VPS72: variants seen among roughly 807,000 people sequenced by gnomAD.
VPS72 encodes the protein vacuolar protein sorting 72 homolog, also known as vacuolar protein sorting-associated protein 72 homolog.
A neutral mutation model predicts 38.9 loss-of-function variants in VPS72; 27 were observed. The ratio of observed to expected loss-of-function variants is 0.69; its 90% CI spans 0.51 to 0.96. VPS72 has a LOEUF of 0.96. VPS72 is among the 40% of genes least tolerant of loss of function. The probability of loss-of-function intolerance (pLI) is 0.00; values close to 1 mark genes in which losing one functional copy is unlikely to be tolerated. For synonymous variants in VPS72, 173 were observed against 186.3 expected, an observed-to-expected ratio of 0.93 and a Z score of 0.58; for missense variants, 360 against 479.5, an observed-to-expected ratio of 0.75 and a Z score of 2.33.
In VPS72 at chr1:151,176,525, A is replaced by G. The variant is rs934153416; in HGVS notation, c.*119T>C. The G allele has an allele frequency of 6.8e-6, 10 of 1,465,046 alleles. No individual in the cohort carries two copies. The African/African-American group carries it at 1.3e-4, about 19-fold the overall frequency. The allele number at this position is 1,465,046 out of a possible 1,614,324, so 90.8% of individuals were successfully genotyped here. A position where few individuals can be genotyped will look rare whatever the true frequency, so the allele number is the denominator to read the frequency against. On this transcript the variant is annotated 3_prime_UTR_variant, in exon 6 of 6. Transcript: ENST00000368892. Reference sequence around the variant, plus strand: ...AACCTGTAAGAACTAGGGGAAAAGGAAAAAGAAACAGATTAGGCAAAGATC... The same window carrying G: ...AACCTGTAAGAACTAGGGGAAAAGGGAAAAGAAACAGATTAGGCAAAGATC...
At chr1:151,182,317 C>T (rs1287707582) in intron 4 of VPS72, among the ~76,000 whole-genome samples, 5 of 152,262 alleles carry the variant, frequency 3.3e-5, no homozygotes, top group South Asian at 2.1e-4. Flanking sequence ...GTGTGAGCCA[C>T]GGCGCCCGGC....
chr1:151,176,924 G>A lies in VPS72; in HGVS notation c.815C>T (p.Ala272Val). 1 of 1,613,912 alleles carries A rather than the reference G, an allele frequency of 6.2e-7. No individual in the cohort carries two copies. The change falls in exon 6 of 6, where the codon GCA becomes GTA. Residue 272 changes from alanine to valine, a missense_variant. Physicochemically the swap from Ala to Val is moderately conservative, Grantham distance 64. Around this residue, in one of 2 missense-constraint regions of VPS72, gnomAD observed 294 missense variants for 356.3 expected, o/e 0.83. Coordinates refer to ENST00000368892, the MANE Select transcript of VPS72 (RefSeq NM_005997.3). ...SRTFITFSDD[A>V]TFEEWFPQGR... ...TTGGGGGAACCATTCCTCGAAAGTT[G>A]CATCATCACTAAAAGTGATGAAGGT...
At chr1:151,185,404 G>A (rs1684327334) in intron 3 of VPS72, 102 bp downstream of exon 3, 1 of 1,173,076 alleles carries the variant, frequency 8.5e-7, no homozygotes, top group South Asian at 1.3e-5. Flanking sequence ...GGGATTCTAG[G>A]AGTGAGCCAC....
intron 4 of VPS72, among the ~76,000 whole-genome samples, chr1:151,180,425 G>A (rs1159802206): frequency 2.0e-5 from 3 of 151,418 alleles, no homozygotes; most frequent in African/African-American, 7.3e-5. Context: ...GTCTTCCAAC[G>A]CCTCAACCCC....
Position 151,176,628 on chromosome 1 carries a change from A to G in VPS72, c.*16T>C. 1 of 1,609,644 alleles carries G rather than the reference A, an allele frequency of 6.2e-7. No homozygotes were observed. The highest frequency in any genetic ancestry group is 8.5e-7 in the Non-Finnish European group (1 of 1,177,742). On this transcript the variant is annotated 3_prime_UTR_variant, in exon 6 of 6. Transcript: ENST00000368892. ...AATCAGGGCAGGAAAGAAGTTTCTG[A>G]GGACTAGACATCTCTTCATTTAATG... is the stretch of plus-strand genomic sequence containing the variant.
Position 151,181,745 on chromosome 1 carries a change from A to G in VPS72, c.562+2572T>C, listed in dbSNP as rs587662626. Among the ~76,000 whole-genome samples, 6 of 152,222 alleles carry G rather than the reference A, an allele frequency of 3.9e-5. 1 individual carries two copies. The South Asian group carries it at 1.2e-3, about 32-fold the overall frequency. Reference sequence around the variant, plus strand: ...CAATACTGCTCAATATCCCACATCAATAACTATTTAAATGCTCCTCAGTCT... The same window carrying G: ...CAATACTGCTCAATATCCCACATCAGTAACTATTTAAATGCTCCTCAGTCT... On this transcript the variant is annotated intron_variant, in intron 4 of 5. Transcript: ENST00000368892.
chr1:151,189,972 C>G (rs1684430439), intron 1 of VPS72, 33 bp downstream of exon 1: 1 of 1,610,772 alleles, frequency 6.2e-7, no homozygotes, highest in Non-Finnish European at 8.5e-7. Flanking sequence ...CTCTTTGCCT[C>G]CTCCCCTCCC....
intron 1 of VPS72, among the ~76,000 whole-genome samples, chr1:151,187,819 G>A (rs967906324): frequency 2.0e-5 from 3 of 152,266 alleles, no homozygotes; most frequent in African/African-American, 7.2e-5. Flanking sequence ...TTTTAGCAGA[G>A]GTTCCTGGTA....
At chr1:151,185,205 A>G (rs1488507598) in intron 3 of VPS72, among the ~76,000 whole-genome samples, 1 of 151,924 alleles carries the variant, frequency 6.6e-6, no homozygotes, top group African/African-American at 2.4e-5. Context: ...GCAATGGTGT[A>G]ACCTCCACCT....
At chr1:151,189,563 A>C (rs1395710106) in intron 1 of VPS72, among the ~76,000 whole-genome samples, 1 of 152,184 alleles carries the variant, frequency 6.6e-6, no homozygotes, top group East Asian at 1.9e-4. Context: ...AAGCTGAAAA[A>C]GAAGTGGGCT....
intron 4 of VPS72, among the ~76,000 whole-genome samples, chr1:151,181,806 G>A (rs943192137): frequency 6.6e-5 from 10 of 152,198 alleles, no homozygotes; most frequent in Non-Finnish European, 7.3e-5. Context: ...ATGTTTGACA[G>A]ATGGTGCTGC....
chr1:151,182,446 C>A (rs1684261029), intron 4 of VPS72, among the ~76,000 whole-genome samples: 1 of 152,150 alleles, frequency 6.6e-6, no homozygotes, highest in Non-Finnish European at 1.5e-5. Flanking sequence ...GTTTTTTCTT[C>A]TCTTTCTTTA....
Position 151,189,912 on chromosome 1 carries a change from C to T in VPS72, c.117+93G>A, listed in dbSNP as rs921231633. 8.3e-6 allele frequency: 12 copies of T among 1,448,336 alleles called. No individual in the cohort carries two copies. In the East Asian group the frequency reaches 2.7e-4, roughly 33 times the overall value. The allele number at this position is 1,448,336 out of a possible 1,614,324, so 89.7% of individuals were successfully genotyped here. ...GAGTATCAGCTCCCAGAGCTCCTCT[C>T]TATTCCCCGCCCTCTTCTTCTTTGT... On this transcript the variant is annotated intron_variant, in intron 1 of 5. Coordinates refer to ENST00000368892, the MANE Select transcript of VPS72 (RefSeq NM_005997.3).
intron 4 of VPS72, among the ~76,000 whole-genome samples, chr1:151,180,597 C>A (rs1384599231): frequency 6.6e-6 from 1 of 151,978 alleles, no homozygotes; most frequent in Admixed American, 6.6e-5. Flanking sequence ...GCCACCATGC[C>A]CAGCTAATAT....
chr1:151,182,230 T>C (rs587646297), intron 4 of VPS72, among the ~76,000 whole-genome samples: 1 of 152,254 alleles, frequency 6.6e-6, no homozygotes, highest in Non-Finnish European at 1.5e-5. Context: ...GGTTTCTCCA[T>C]GTTGGTCAGG....
chr1:151,185,496 C>T lies in VPS72; in HGVS notation c.385+10G>A. 1 of 1,613,372 alleles carries T rather than the reference C, an allele frequency of 6.2e-7. No individual in the cohort carries two copies. The highest frequency in any genetic ancestry group is 8.5e-7 in the Non-Finnish European group (1 of 1,179,354). ...CAATTTTGCCAATTGACCCTAACAT[C>T]CCTACTCACTGTCAGAGCCGTCATC... On this transcript the variant is annotated intron_variant, in intron 3 of 5. Transcript: ENST00000368892.
intron 4 of VPS72, 38 bp from the exon 5 acceptor site, chr1:151,178,183 A>C: frequency 6.2e-7 from 1 of 1,606,346 alleles, no homozygotes; most frequent in South Asian, 1.1e-5. Flanking sequence ...GATGATCAGA[A>C]TGTCCCTTTT....
At chr1:151,180,808 A>G (rs1684223170) in intron 4 of VPS72, among the ~76,000 whole-genome samples, 1 of 152,118 alleles carries the variant, frequency 6.6e-6, no homozygotes, top group Non-Finnish European at 1.5e-5. Flanking sequence ...ACTCATCTAT[A>G]TCCTCAAGCT....
At chr1:151,189,035 T>A (rs1684407004) in intron 1 of VPS72, among the ~76,000 whole-genome samples, 2 of 152,292 alleles carry the variant, frequency 1.3e-5, no homozygotes, top group African/African-American at 4.8e-5. Context: ...TTTACCATGT[T>A]GGCCAGGATG....
Sources: allele counts gnomAD v4.1 joint callset (sites outside exome capture counted in the v4.1 genomes callset), GRCh38; gene constraint gnomAD v4.1.1; regional missense constraint gnomAD v4.1.1; transcripts MANE v1.5; gene names NCBI Gene and HGNC (gene_info 2026-07-23, HGNC 2026-07-21).